The following CPQ variants were observed in gnomAD, a reference collection of about 807,000 sequenced individuals.
The protein encoded by CPQ is Ser-Met dipeptidase.
In CPQ, 37 loss-of-function variants were observed where a neutral mutation model predicts 45.7. The ratio of observed to expected loss-of-function variants is 0.81; its 90% CI spans 0.62 to 1.07. The LOEUF is 1.07. Ranked by LOEUF, CPQ falls within the 50% of genes least tolerant of loss-of-function variation. CPQ has a pLI of 0.00. For synonymous variants in CPQ, 186 were observed against 205.8 expected (o/e 0.90, Z 0.82); for missense variants, 537 against 572.9 (o/e 0.94, Z 0.64).
intron 2 of CPQ, among the ~76,000 whole-genome samples, chr8:96,821,540 AC>A (rs1811307989): frequency 2.0e-5 from 3 of 151,808 alleles, no homozygotes; most frequent in Admixed American, 2.0e-4. Flanking sequence ...CTCTTTTAAA[AC>A]TGATGTCTTA....
chr8:96,853,873 G>A (rs949814954), intron 3 of CPQ, among the ~76,000 whole-genome samples: 1 of 152,044 alleles, frequency 6.6e-6, no homozygotes, highest in East Asian at 1.9e-4. Flanking sequence ...TGATGGTAAC[G>A]CCATACTTAT....
rs555606309 is a variant in CPQ at position 96,780,318 on chromosome 8, A to G, written c.-34-4546A>G. On this transcript the variant is annotated intron_variant, in intron 1 of 7. Coordinates refer to ENST00000220763, the MANE Select transcript of CPQ (RefSeq NM_016134.4). ...TTTTAAAGCATTTTCATTAAACTGTAAGTGGAGGCATTTGCCAGATGAAGG... is the reference window on the plus strand; with the variant it reads ...TTTTAAAGCATTTTCATTAAACTGTGAGTGGAGGCATTTGCCAGATGAAGG... Among the ~76,000 whole-genome samples the G allele has an allele frequency of 5.3e-5, 8 of 152,240 alleles. No homozygotes were observed. In the East Asian group the frequency reaches 1.4e-3, roughly 26 times the overall value.
intron 2 of CPQ, among the ~76,000 whole-genome samples, chr8:96,832,645 G>C (rs955084979): frequency 6.6e-6 from 1 of 152,198 alleles, no homozygotes; most frequent in Non-Finnish European, 1.5e-5. Context: ...CAGGAGACAA[G>C]AGGCCAGGGA....
chr8:97,030,661 A>G (rs1169604801), intron 6 of CPQ, among the ~76,000 whole-genome samples: 1 of 152,200 alleles, frequency 6.6e-6, no homozygotes, highest in African/African-American at 2.4e-5. Context: ...GCAACATTCA[A>G]TTAATATTTT....
chr8:96,819,536 T>C (rs1811274133), intron 2 of CPQ, among the ~76,000 whole-genome samples: 1 of 152,126 alleles, frequency 6.6e-6, no homozygotes, highest in Admixed American at 6.6e-5. Context: ...ATTGCCCTTG[T>C]TTGATGAGCA....
intron 1 of CPQ, among the ~76,000 whole-genome samples, chr8:96,736,383 G>C (rs1288505758): frequency 2.0e-5 from 3 of 152,160 alleles, no homozygotes; most frequent in Admixed American, 6.5e-5. Context: ...CTGGGGAACT[G>C]CTTATGTTAT....
chr8:96,665,634 G>C lies in CPQ; in HGVS notation c.-35+20232G>C, dbSNP rs139028735. Among the ~76,000 whole-genome samples the C allele has an allele frequency of 1.2e-4, 18 of 152,292 alleles. 1 individual carries two copies. In the East Asian group the frequency reaches 3.5e-3, roughly 29 times the overall value. On this transcript the variant is annotated intron_variant, in intron 1 of 7. Coordinates refer to ENST00000220763, the MANE Select transcript of CPQ (RefSeq NM_016134.4). ...TAAACCAAATGAGAGAATTTGTGAT[G>C]TTCATAATTAGTAAGTTCATAGGTG...
intron 3 of CPQ, among the ~76,000 whole-genome samples, chr8:96,836,885 GA>G (rs1563509404): frequency 6.6e-6 from 1 of 151,604 alleles, no homozygotes; most frequent in Non-Finnish European, 1.5e-5. Context: ...AGGGACTTCA[GA>G]ATCTGTTGCT....
intron 4 of CPQ, among the ~76,000 whole-genome samples, chr8:96,928,185 A>G (rs1432856911): frequency 6.6e-6 from 1 of 152,154 alleles, no homozygotes; most frequent in African/African-American, 2.4e-5. Flanking sequence ...AAAGCGAGGG[A>G]AAAGTGCTCT....
chr8:96,777,751 TATATATA>T (rs1810630657), intron 1 of CPQ, among the ~76,000 whole-genome samples: 1 of 13,820 alleles, frequency 7.2e-5, no homozygotes, highest in African/African-American at 2.9e-4. Flanking sequence ...TATATATATA[TATATATA>T]TATTTTTTTT....
At chr8:97,122,227 A>G (rs1008263982) in intron 7 of CPQ, among the ~76,000 whole-genome samples, 1 of 152,200 alleles carries the variant, frequency 6.6e-6, no homozygotes, top group Admixed American at 6.5e-5. Flanking sequence ...CAAGAAAATC[A>G]TTACAATCAA....
intron 1 of CPQ, among the ~76,000 whole-genome samples, chr8:96,657,654 T>C (rs1586347482): frequency 6.6e-6 from 1 of 152,168 alleles, no homozygotes; most frequent in Admixed American, 6.5e-5. Flanking sequence ...TTATAACATT[T>C]ATGAGACATT....
chr8:97,095,809 T>C lies in CPQ; in HGVS notation c.1255+29599T>C, dbSNP rs139702295. On this transcript the variant is annotated intron_variant, in intron 7 of 7. Transcript: ENST00000220763. ...GCAATCACTATTGTTGTTTTTGTTG[T>C]CATGTCTCCCTTTAGTATCTAAGGC... Among the ~76,000 whole-genome samples, 680 of 152,302 alleles carry C rather than the reference T, an allele frequency of 4.5e-3. 2 individuals are homozygous for C. Among genetic ancestry groups the C allele is most frequent in the Admixed American group, 5.7e-3 (87 of 15,294 alleles).
At chr8:97,113,020 T>A (rs1811523033) in intron 7 of CPQ, among the ~76,000 whole-genome samples, 1 of 152,106 alleles carries the variant, frequency 6.6e-6, no homozygotes, top group Non-Finnish European at 1.5e-5. Flanking sequence ...ACTTTGCTAG[T>A]CATGCTGCCC....
In CPQ at chr8:96,876,552, T is replaced by C. The variant is rs532040609; in HGVS notation, c.642-3246T>C. ...TTCATTCTTTTCCCATTACATATGA[T>C]GTTAGCTGTGGGATATTTGTAGATG... is the stretch of plus-strand genomic sequence containing the variant. On this transcript the variant is annotated intron_variant, in intron 3 of 7. Transcript: ENST00000220763. Among the ~76,000 whole-genome samples, 16 of 152,266 alleles carry C rather than the reference T, an allele frequency of 1.1e-4. No individual in the cohort carries two copies. The South Asian group carries it at 2.7e-3, about 26-fold the overall frequency.
At chr8:96,808,004 C>T (rs150985185) in intron 2 of CPQ, among the ~76,000 whole-genome samples, 1 of 152,290 alleles carries the variant, frequency 6.6e-6, no homozygotes, top group East Asian at 1.9e-4. Context: ...CTTTTTGTGG[C>T]CTTGGACAAA....
chr8:96,942,514 TA>T (rs1813138043), intron 4 of CPQ, among the ~76,000 whole-genome samples: 1 of 152,078 alleles, frequency 6.6e-6, no homozygotes, highest in Non-Finnish European at 1.5e-5. Flanking sequence ...CCTTGGGGTA[TA>T]AAAGAGGTGA....
chr8:96,987,154 C>T (rs962241408), intron 5 of CPQ, among the ~76,000 whole-genome samples: 3 of 152,144 alleles, frequency 2.0e-5, no homozygotes, highest in African/African-American at 7.2e-5. Flanking sequence ...GCTATACTTT[C>T]ACCTCTCCTC....
At chr8:97,104,704 G>A (rs1042467189) in intron 7 of CPQ, among the ~76,000 whole-genome samples, 1 of 152,134 alleles carries the variant, frequency 6.6e-6, no homozygotes, top group African/African-American at 2.4e-5. Context: ...CCATCACAAA[G>A]ATTCCACAGT....
Sources: gnomAD v4.1 joint callset for allele counts (sites outside exome capture counted in the v4.1 genomes callset) on GRCh38, gnomAD v4.1.1 for gene constraint, MANE v1.5 for transcripts, NCBI Gene and HGNC (gene_info 2026-07-23, HGNC 2026-07-21) for gene names.